Variants in OR2T11 observed in about 807,000 individuals in gnomAD.
The protein encoded by OR2T11 is olfactory receptor 2T11.
A neutral mutation model predicts 13.5 loss-of-function variants in OR2T11; 14 were observed. The ratio of observed to expected loss-of-function variants is 1.04; its 90% confidence interval spans 0.69 to 1.62. The LOEUF (loss-of-function observed/expected upper bound fraction) is 1.62, where lower values mean the gene tolerates loss of function less well. Ranked by LOEUF, OR2T11 falls within the 40% of genes most tolerant of loss-of-function variation. The probability of loss-of-function intolerance (pLI) is 0.00; values close to 1 mark genes in which losing one functional copy is unlikely to be tolerated. For missense variants in OR2T11, 410 were observed against 389.7 expected, an observed-to-expected ratio of 1.05 and a Z score of -0.44; for synonymous variants, 163 against 154.6, an observed-to-expected ratio of 1.05 and a Z score of -0.40.
In OR2T11 at chr1:248,626,301, G is replaced by A; in HGVS notation, c.828C>T (p.Thr276=). The A allele has an allele frequency of 6.4e-7, 1 of 1,568,862 alleles. No individual in the cohort carries two copies. The highest frequency in any genetic ancestry group is 8.7e-7 in the Non-Finnish European group (1 of 1,152,430). ...EQDKVVSAFY[T]IVTPMLNPLI... Reference sequence around the variant, plus strand: ...GAGGATTAAGCATGGGCGTGACAATGGTATAGAAGGCTGACACTACTTTGT... The same window carrying A: ...GAGGATTAAGCATGGGCGTGACAATAGTATAGAAGGCTGACACTACTTTGT... The change falls in exon 2 of 2, where the codon ACC becomes ACT. Residue 276 remains threonine (T), a synonymous_variant. Coordinates refer to ENST00000641193, the MANE Select transcript of OR2T11 (RefSeq NM_001001964.2).
Position 248,626,634 on chromosome 1 carries a change from G to A in OR2T11, c.495C>T (p.Tyr165=). Residue 165 remains tyrosine (Y), a synonymous_variant, in exon 2 of 2, where the codon TAC becomes TAT. Coordinates refer to ENST00000641193, the MANE Select transcript of OR2T11 (RefSeq NM_001001964.2). The part of the protein sequence containing the change: ...LLTPITMNVP[Y]CGSRSINHFF... ...AATGGTTGATACTTCGGGAGCCACAGTAAGGGACATTCATGGTGATGGGAG... is the reference window on the plus strand; with the variant it reads ...AATGGTTGATACTTCGGGAGCCACAATAAGGGACATTCATGGTGATGGGAG... 1 of 1,573,128 alleles carries A rather than the reference G, an allele frequency of 6.4e-7. No homozygotes were observed. Among genetic ancestry groups the A allele is most frequent in the Non-Finnish European group, 8.6e-7 (1 of 1,156,510 alleles).
Position 248,626,860 on chromosome 1 carries a change from G to A in OR2T11, c.269C>T (p.Ser90Phe). ...ADMVSKEKII[S>F]FVACGIQIFL... ...GATCTGGATGCCACAGGCCACAAAG[G>A]AAATGATCTTCTCTTTAGAAACCAT... The change falls in exon 2 of 2, where the codon TCC (serine) becomes TTC (phenylalanine). Residue 90 changes from serine to phenylalanine, a missense_variant. Ser to Phe is a radical substitution (Grantham distance 155, BLOSUM62 -2). Coordinates refer to ENST00000641193, the MANE Select transcript of OR2T11 (RefSeq NM_001001964.2). The A allele has an allele frequency of 6.4e-7, 1 of 1,571,522 alleles. No homozygotes were observed. The highest frequency in any genetic ancestry group is 8.7e-7 in the Non-Finnish European group (1 of 1,155,594).
Position 248,626,833 on chromosome 1 carries a change from A to T in OR2T11, c.296T>A (p.Phe99Tyr), listed in dbSNP as rs1432403586. The T allele has an allele frequency of 6.4e-7, 1 of 1,572,348 alleles. No individual in the cohort carries two copies. Among genetic ancestry groups the T allele is most frequent in the South Asian group, 1.1e-5 (1 of 88,890 alleles). ...AGAACCAATCATGGTCAGGTAGAGG[A>T]AGATCTGGATGCCACAGGCCACAAA... ...ISFVACGIQI[F>Y]LYLTMIGSEF... The change falls in exon 2 of 2, where the codon TTC (phenylalanine) becomes TAC (tyrosine). Residue 99 changes from phenylalanine to tyrosine, a missense_variant. Phe to Tyr is a conservative substitution (Grantham distance 22). Coordinates refer to ENST00000641193, the MANE Select transcript of OR2T11 (RefSeq NM_001001964.2).
At chr1:248,627,812 C>T (rs1438283000) in intron 1 of OR2T11, among the ~76,000 whole-genome samples, 2 of 142,700 alleles carry the variant, frequency 1.4e-5, no homozygotes, top group Non-Finnish European at 3.0e-5. Context: ...TCACCCCCTA[C>T]TCTTCCAAGC....
intron 1 of OR2T11, among the ~76,000 whole-genome samples, chr1:248,629,254 G>A (rs542101283): frequency 6.3e-5 from 9 of 142,214 alleles, no homozygotes; most frequent in African/African-American, 1.7e-4. Context: ...CTAGCCAGGC[G>A]TGGTGGTGCA....
chr1:248,626,001 T>G lies in OR2T11; in HGVS notation c.*177A>C. On this transcript the variant is annotated 3_prime_UTR_variant, in exon 2 of 2. Coordinates refer to ENST00000641193, the MANE Select transcript of OR2T11 (RefSeq NM_001001964.2). ...CCATTTTTGATACTTCACTGAAAGA[T>G]CTCTGCATAACAGTAAAACATCTTT... 1 of 462,298 alleles carries G rather than the reference T, an allele frequency of 2.2e-6. No homozygotes were observed. The highest frequency in any genetic ancestry group is 3.9e-5 in the South Asian group (1 of 25,498). 28.6% of individuals were successfully genotyped at this position (462,298 alleles called of 1,614,324 possible).
chr1:248,629,074 T>C (rs1214120570), intron 1 of OR2T11, among the ~76,000 whole-genome samples: 2 of 143,780 alleles, frequency 1.4e-5, no homozygotes, highest in Non-Finnish European at 3.0e-5. Context: ...CTCTTTGTCA[T>C]ATTAAACAAA....
Position 248,632,278 on chromosome 1 carries a change from A to T in OR2T11, c.-145+2760T>A, listed in dbSNP as rs1207791512. 7.7e-5 allele frequency among the ~76,000 whole-genome samples: 11 copies of T among 143,624 alleles called. 4 individuals carry two copies. The highest frequency in any genetic ancestry group is 3.0e-4 in the African/African-American group (11 of 36,572). The allele number at this position is 143,624 out of a possible 152,430, so 94.2% of individuals were successfully genotyped here. The stretch of plus-strand genomic sequence containing the variant: ...TTATGAAACAATGAGTTAAATTATG[A>T]TAATTTTTTTCAACATAATTGTCCT... On this transcript the variant is annotated intron_variant, in intron 1 of 1. Coordinates refer to ENST00000641193, the MANE Select transcript of OR2T11 (RefSeq NM_001001964.2).
chr1:248,630,922 A>G lies in OR2T11; in HGVS notation c.-144-3650T>C, dbSNP rs184042650. Among the ~76,000 whole-genome samples the G allele has an allele frequency of 1.1e-4, 16 of 143,456 alleles. 2 individuals are homozygous for G. The highest frequency in any genetic ancestry group is 4.1e-4 in the African/African-American group (15 of 36,410). The allele number at this position is 143,456 out of a possible 152,430, so 94.1% of individuals were successfully genotyped here. On this transcript the variant is annotated intron_variant, in intron 1 of 1. Transcript: ENST00000641193. ...TCAATTGCAAATGCCAAGGCCTTAC[A>G]TGGGAGAGAGGAGGAAGGAGAGTCA...
At position 248,624,091 on chromosome 1, in the gene OR2T11, C is replaced by G. The variant is rs1572100113; in HGVS notation, c.*2087G>C. 2 of 142,312 alleles carry G rather than the reference C, an allele frequency of 1.4e-5. No individual in the cohort carries two copies. Among genetic ancestry groups the G allele is most frequent in the African/African-American group, 5.6e-5 (2 of 35,914 alleles). 8.8% of individuals were successfully genotyped at this position (142,312 alleles called of 1,614,324 possible). A position where few individuals can be genotyped will look rare whatever the true frequency, so the allele number is the denominator to read the frequency against. On this transcript the variant is annotated 3_prime_UTR_variant, in exon 2 of 2. Coordinates refer to ENST00000641193, the MANE Select transcript of OR2T11 (RefSeq NM_001001964.2). Reference sequence around the variant, plus strand: ...TGTCACTGAGTTGGCCATGCTCTTACAAAAGTTCAAACTCTCCACTTCTAA... The same window carrying G: ...TGTCACTGAGTTGGCCATGCTCTTAGAAAAGTTCAAACTCTCCACTTCTAA...
Position 248,626,742 on chromosome 1 carries a change from G to A in OR2T11, c.387C>T (p.Tyr129=). Residue 129 remains tyrosine, a synonymous_variant, in exon 2 of 2, where the codon TAC becomes TAT. Transcript: ENST00000641193. ...CYVAVCNPLR[Y]PVLMNRKKCL... ...ACTTCTTGCGGTTCATCAGGACTGG[G>A]TATCTCAGAGGGTTACAGACAGCCA... 1 of 1,573,128 alleles carries A rather than the reference G, an allele frequency of 6.4e-7. No homozygotes were observed. The highest frequency in any genetic ancestry group is 8.6e-7 in the Non-Finnish European group (1 of 1,156,816).
At chr1:248,630,029 T>C (rs556210335) in intron 1 of OR2T11, among the ~76,000 whole-genome samples, 1 of 143,978 alleles carries the variant, frequency 6.9e-6, no homozygotes, top group Admixed American at 6.8e-5. Flanking sequence ...AACTGTACTC[T>C]CACCATCTAA....
rs996625604 is a variant in OR2T11 at position 248,623,911 on chromosome 1, T to C, written c.*2267A>G. 9.4e-5 allele frequency: 13 copies of C among 138,834 alleles called. 2 individuals carry two copies. The highest frequency in any genetic ancestry group is 3.4e-4 in the African/African-American group (12 of 35,472). The allele number at this position is 138,834 out of a possible 1,614,324, so 8.6% of individuals were successfully genotyped here. A position where few individuals can be genotyped will look rare whatever the true frequency, so the allele number is the denominator to read the frequency against. ...TCTACTAGCTTATTAACTTACCTCT[T>C]CTCCAAGATGATTCTCTTCTCCTCT... On this transcript the variant is annotated 3_prime_UTR_variant, in exon 2 of 2. Transcript: ENST00000641193.
Position 248,625,991 on chromosome 1 carries a change from C to A in OR2T11, c.*187G>T, listed in dbSNP as rs1660510378. 2.2e-6 allele frequency: 1 copy of A among 446,200 alleles called. No individual in the cohort carries two copies. 27.6% of individuals were successfully genotyped at this position (446,200 alleles called of 1,614,324 possible). On this transcript the variant is annotated 3_prime_UTR_variant, in exon 2 of 2. Coordinates refer to ENST00000641193, the MANE Select transcript of OR2T11 (RefSeq NM_001001964.2). The stretch of plus-strand genomic sequence containing the variant: ...TCATAATAAACCATTTTTGATACTT[C>A]ACTGAAAGATCTCTGCATAACAGTA...
At chr1:248,634,844 A>G (rs1385704762) in intron 1 of OR2T11, among the ~76,000 whole-genome samples, 194 bp downstream of exon 1, 1 of 144,108 alleles carries the variant, frequency 6.9e-6, no homozygotes, top group African/African-American at 2.7e-5. Flanking sequence ...CTAAATAATT[A>G]TCTAATTATC....
Position 248,623,843 on chromosome 1 carries a change from C to G in OR2T11, c.*2335G>C, listed in dbSNP as rs1186827368. Reference sequence around the variant, plus strand: ...CTGTGCTAAATTCATAAATTCAATGCAAAGGAGGGGGAGTCCGAAGGTTGT... The same window carrying G: ...CTGTGCTAAATTCATAAATTCAATGGAAAGGAGGGGGAGTCCGAAGGTTGT... On this transcript the variant is annotated 3_prime_UTR_variant, in exon 2 of 2. Transcript: ENST00000641193. 1 of 142,578 alleles carries G rather than the reference C, an allele frequency of 7.0e-6. No individual in the cohort carries two copies. The highest frequency in any genetic ancestry group is 2.0e-4 in the East Asian group (1 of 4,954). The allele number at this position is 142,578 out of a possible 1,614,324, so 8.8% of individuals were successfully genotyped here. A position where few individuals can be genotyped will look rare whatever the true frequency, so the allele number is the denominator to read the frequency against.
In OR2T11 at chr1:248,635,048, AC is replaced by A. The variant is rs1186561715; in HGVS notation, c.-156del. On this transcript the variant is annotated 5_prime_UTR_variant, in exon 1 of 2. Coordinates refer to ENST00000641193, the MANE Select transcript of OR2T11 (RefSeq NM_001001964.2). ...ATCCATATCCCTTACCTGCAGAAAG[AC>A]CCCACAGGGAATCTGATTACCCCTC... 1.7e-5 allele frequency: 2 copies of A among 119,198 alleles called. No individual in the cohort carries two copies. Among genetic ancestry groups the A allele is most frequent in the Non-Finnish European group, 3.5e-5 (2 of 57,714 alleles). 7.4% of individuals were successfully genotyped at this position (119,198 alleles called of 1,614,324 possible). A position where few individuals can be genotyped will look rare whatever the true frequency, so the allele number is the denominator to read the frequency against.
At position 248,630,824 on chromosome 1, in the gene OR2T11, T is replaced by A. The variant is rs541124440; in HGVS notation, c.-144-3552A>T. Among the ~76,000 whole-genome samples, 11 of 143,612 alleles carry A rather than the reference T, an allele frequency of 7.7e-5. No individual in the cohort carries two copies. The East Asian group carries it at 1.0e-3, about 13-fold the overall frequency. 94.2% of individuals were successfully genotyped at this position (143,612 alleles called of 152,430 possible). On this transcript the variant is annotated intron_variant, in intron 1 of 1. Transcript: ENST00000641193. ...GAACCGATGAATATGCTCTCTTAAG[T>A]GGCAAAAAAGACTTTGTGGGTATGA...
chr1:248,624,184 A>G lies in OR2T11; in HGVS notation c.*1994T>C, dbSNP rs1334005277. ...TGAAACTTTCCTCCATTTCTCATAT[A>G]TCGATTTTCTTTTTGTACTGAATTA... On this transcript the variant is annotated 3_prime_UTR_variant, in exon 2 of 2. Coordinates refer to ENST00000641193, the MANE Select transcript of OR2T11 (RefSeq NM_001001964.2). 1 of 143,296 alleles carries G rather than the reference A, an allele frequency of 7.0e-6. No individual in the cohort carries two copies. Among genetic ancestry groups the G allele is most frequent in the Non-Finnish European group, 1.5e-5 (1 of 66,340 alleles). The allele number at this position is 143,296 out of a possible 1,614,324, so 8.9% of individuals were successfully genotyped here. A position where few individuals can be genotyped will look rare whatever the true frequency, so the allele number is the denominator to read the frequency against.
Sources: gnomAD v4.1 joint callset for allele counts (sites outside exome capture counted in the v4.1 genomes callset) on GRCh38, gnomAD v4.1.1 for gene constraint, MANE v1.5 for transcripts, NCBI Gene and HGNC (gene_info 2026-07-23, HGNC 2026-07-21) for gene names.